TLL2: variants seen among roughly 807,000 people sequenced by gnomAD.
TLL2 encodes tolloid like 2, also known as tolloid-like protein 2.
A neutral mutation model predicts 123.0 loss-of-function variants in TLL2; 106 were observed. The observed-to-expected ratio is 0.86, with a 90% confidence interval of 0.74 to 1.01. The LOEUF is 1.01. Ranked by LOEUF, TLL2 falls within the 50% of genes least tolerant of loss-of-function variation. The probability of loss-of-function intolerance (pLI) is 0.00; values close to 1 mark genes in which losing one functional copy is unlikely to be tolerated. For synonymous variants in TLL2, 494 were observed against 516.8 expected, an observed-to-expected ratio of 0.96 and a Z score of 0.60; for missense variants, 1,332 against 1,336.7, an observed-to-expected ratio of 1.00 and a Z score of 0.06.
Position 96,367,917 on chromosome 10 carries a change from CA to C in TLL2, c.*170del, listed in dbSNP as rs1589401807. 2.5e-6 allele frequency: 2 copies of C among 794,924 alleles called. No homozygotes were observed. Among genetic ancestry groups the C allele is most frequent in the Non-Finnish European group, 3.8e-6 (2 of 526,394 alleles). 49.2% of individuals were successfully genotyped at this position (794,924 alleles called of 1,614,324 possible). ...ACATTTTTCTCTCCACCTTGTTGGC[CA>C]AACTTACAAGACTTTCATTCAAATA... is the stretch of plus-strand genomic sequence containing the variant. On this transcript the variant is annotated 3_prime_UTR_variant, in exon 21 of 21. Transcript: ENST00000357947.
rs554396227 is a variant in TLL2 at position 96,496,959 on chromosome 10, A to G, written c.176-16500T>C. ...GGGGAGGGGGTTGCCTGTGCCACAC[A>G]TTTGCCATTCACATATTACATTGTA... On this transcript the variant is annotated intron_variant, in intron 1 of 20. Transcript: ENST00000357947. 2.4e-4 allele frequency among the ~76,000 whole-genome samples: 36 copies of G among 151,902 alleles called. No individual in the cohort carries two copies. In the South Asian group the frequency reaches 6.9e-3, roughly 29 times the overall value.
At chr10:96,371,716 G>T (rs1846086716) in intron 19 of TLL2, among the ~76,000 whole-genome samples, 1 of 152,164 alleles carries the variant, frequency 6.6e-6, no homozygotes, top group African/African-American at 2.4e-5. Flanking sequence ...CTCCCCACCT[G>T]CCTGGGCCCC....
At chr10:96,401,695 C>G (rs1846399000) in intron 10 of TLL2, among the ~76,000 whole-genome samples, 4 of 152,102 alleles carry the variant, frequency 2.6e-5, no homozygotes. Context: ...AATCTTGTTT[C>G]AAATTCAAGA....
chr10:96,432,814 G>A lies in TLL2; in HGVS notation c.513C>T (p.Asn171=), dbSNP rs763788678. Residue 171 remains asparagine (N), a synonymous_variant, in exon 4 of 21, where the codon AAC becomes AAT. Coordinates refer to ENST00000357947, the MANE Select transcript of TLL2 (RefSeq NM_012465.4). Reference sequence around the variant, plus strand: ...TTGTCTGTGGCTACTGACCAGTGAAGTTCCCTCCAATGACGTAGGGGATGA... The same window carrying A: ...TTGTCTGTGGCTACTGACCAGTGAAATTCCCTCCAATGACGTAGGGGATGA... The part of the protein sequence containing the change: ...GGVIPYVIGG[N]FTGSQRAIFK... The A allele has an allele frequency of 1.5e-5, 24 of 1,613,840 alleles. No individual in the cohort carries two copies. Among genetic ancestry groups the A allele is most frequent in the Non-Finnish European group, 1.7e-6 (2 of 1,179,922 alleles).
chr10:96,393,892 C>G (rs1225017832), intron 13 of TLL2, among the ~76,000 whole-genome samples: 1 of 152,098 alleles, frequency 6.6e-6, no homozygotes, highest in Non-Finnish European at 1.5e-5. Context: ...TTGTCACCTG[C>G]CAGCTTTTAA....
Position 96,496,761 on chromosome 10 carries a change from G to A in TLL2, c.176-16302C>T, listed in dbSNP as rs560712591. Among the ~76,000 whole-genome samples the A allele has an allele frequency of 3.9e-5, 6 of 152,326 alleles. No homozygotes were observed. In the South Asian group the frequency reaches 1.2e-3, roughly 32 times the overall value. Reference sequence around the variant, plus strand: ...GCCACAAGATTGGTTTGGGCAGGCCGGCCATATCTGCAAGGCTGTTTAAGT... The same window carrying A: ...GCCACAAGATTGGTTTGGGCAGGCCAGCCATATCTGCAAGGCTGTTTAAGT... On this transcript the variant is annotated intron_variant, in intron 1 of 20. Coordinates refer to ENST00000357947, the MANE Select transcript of TLL2 (RefSeq NM_012465.4).
At chr10:96,476,240 A>ATATATATATTTTTTTTTT in intron 2 of TLL2, among the ~76,000 whole-genome samples, 3 of 20,490 alleles carry the variant, frequency 1.5e-4, no homozygotes, top group African/African-American at 3.5e-4. Flanking sequence ...ATATATATAT[A>ATATATATATTTTTTTTTT]TTTTATTTTT....
chr10:96,419,811 C>T (rs1270924332), intron 7 of TLL2, among the ~76,000 whole-genome samples: 1 of 152,212 alleles, frequency 6.6e-6, no homozygotes, highest in African/African-American at 2.4e-5. Context: ...GTCCCTTTCA[C>T]TCCCAAGAGC....
At chr10:96,490,264 A>G (rs1281183570) in intron 1 of TLL2, among the ~76,000 whole-genome samples, 1 of 152,232 alleles carries the variant, frequency 6.6e-6, no homozygotes, top group Non-Finnish European at 1.5e-5. Flanking sequence ...AAGAACCGTT[A>G]ACTCTTTCCA....
chr10:96,422,468 T>C, intron 6 of TLL2, 81 bp downstream of exon 6: 1 of 1,524,320 alleles, frequency 6.6e-7, no homozygotes, highest in Non-Finnish European at 9.0e-7. Context: ...TCCCAGCAAG[T>C]CCCCTCCTTC....
At chr10:96,437,458 TTGTG>T (rs1291815047) in intron 3 of TLL2, among the ~76,000 whole-genome samples, 4 of 152,204 alleles carry the variant, frequency 2.6e-5, no homozygotes, top group African/African-American at 9.6e-5. Context: ...ACTTACAGTT[TTGTG>T]TATCTACCAC....
In TLL2 at chr10:96,413,092, G is replaced by A. The variant is rs1846522238; in HGVS notation, c.1048+100C>T. The A allele has an allele frequency of 2.6e-6, 4 of 1,518,800 alleles. No homozygotes were observed. In the South Asian group the frequency reaches 5.0e-5, roughly 19 times the overall value. 94.1% of individuals were successfully genotyped at this position (1,518,800 alleles called of 1,614,324 possible). On this transcript the variant is annotated intron_variant, in intron 8 of 20. Coordinates refer to ENST00000357947, the MANE Select transcript of TLL2 (RefSeq NM_012465.4). ...GGACACCAGAAATTAAAGCTGCCAA[G>A]GAATAGTCCCTTTAGGTCCCCCAAG...
At chr10:96,487,679 C>T (rs976451592) in intron 1 of TLL2, among the ~76,000 whole-genome samples, 1 of 152,104 alleles carries the variant, frequency 6.6e-6, no homozygotes, top group Non-Finnish European at 1.5e-5. Context: ...ATATTGGTCT[C>T]GTTCCACTTT....
chr10:96,501,820 T>A (rs986702069), intron 1 of TLL2, among the ~76,000 whole-genome samples: 3 of 152,234 alleles, frequency 2.0e-5, no homozygotes, highest in East Asian at 3.8e-4. Context: ...CCCTCTGGTA[T>A]CTCATTGACT....
At chr10:96,498,588 C>T (rs1670684098) in intron 1 of TLL2, among the ~76,000 whole-genome samples, 2 of 152,164 alleles carry the variant, frequency 1.3e-5, no homozygotes, top group Non-Finnish European at 2.9e-5. Flanking sequence ...ATTTTTAGCT[C>T]CAGGTCCTCC....
intron 10 of TLL2, among the ~76,000 whole-genome samples, chr10:96,404,073 T>A (rs1401879445): frequency 6.6e-6 from 1 of 152,148 alleles, no homozygotes; most frequent in Non-Finnish European, 1.5e-5. Flanking sequence ...GCTGAAATAA[T>A]GAAAATAATA....
intron 13 of TLL2, 103 bp downstream of exon 13, chr10:96,395,084 C>G (rs1846324299): frequency 4.8e-6 from 6 of 1,248,202 alleles, no homozygotes; most frequent in East Asian, 4.9e-5. Flanking sequence ...CTGCAGGGAG[C>G]CTTGTTTGGT....
At chr10:96,411,359 C>T (rs1223157792) in intron 8 of TLL2, among the ~76,000 whole-genome samples, 2 of 148,300 alleles carry the variant, frequency 1.3e-5, no homozygotes, top group Non-Finnish European at 3.0e-5. Flanking sequence ...TAGTTTAAAT[C>T]TTTCCTCTTC....
chr10:96,464,979 G>C (rs1296135714), intron 2 of TLL2, among the ~76,000 whole-genome samples: 1 of 152,226 alleles, frequency 6.6e-6, no homozygotes, highest in Admixed American at 6.5e-5. Flanking sequence ...AAATGCAATA[G>C]ATCCAATGAA....
Sources: gnomAD v4.1 joint callset for allele counts (sites outside exome capture counted in the v4.1 genomes callset) on GRCh38, gnomAD v4.1.1 for gene constraint, MANE v1.5 for transcripts, NCBI Gene and HGNC (gene_info 2026-07-23, HGNC 2026-07-21) for gene names.